The following PKHD1 variants were observed in gnomAD, a reference collection of about 807,000 sequenced individuals.
PKHD1 encodes PKHD1 ciliary IPT domain containing fibrocystin/polyductin, also known as fibrocystin.
Under a neutral mutation model 412.0 loss-of-function variants are expected in PKHD1, and 291 were observed. The ratio of observed to expected loss-of-function variants is 0.71; its 90% CI spans 0.64 to 0.78. PKHD1 has a LOEUF of 0.78. Among genes scored for constraint, PKHD1 ranks in the 30% least tolerant of loss-of-function variants. The pLI, the probability that PKHD1 is intolerant of heterozygous loss-of-function variation, is 0.00. For missense variants in PKHD1, 4,825 were observed against 4,950.7 expected, an observed-to-expected ratio of 0.97 and a Z score of 0.76; for synonymous variants, 1,777 against 1,821.5, an observed-to-expected ratio of 0.98 and a Z score of 0.62.
intron 60 of PKHD1, among the ~76,000 whole-genome samples, chr6:51,710,609 G>A (rs1780541376): frequency 1.3e-5 from 2 of 151,294 alleles, no homozygotes; most frequent in South Asian, 4.2e-4. Context: ...CACTGTTCTG[G>A]GACCCAGGCC....
intron 60 of PKHD1, 135 bp from the exon 61 acceptor site, chr6:51,660,104 G>T (rs1162816454): frequency 1.7e-6 from 1 of 576,156 alleles, no homozygotes; most frequent in Admixed American, 3.3e-5. Context: ...CAGATACTGA[G>T]AGTGCAAGGA....
At chr6:51,656,055 C>T (rs905355594) in intron 61 of PKHD1, among the ~76,000 whole-genome samples, 3 of 152,106 alleles carry the variant, frequency 2.0e-5, no homozygotes, top group African/African-American at 4.8e-5. Context: ...ATGTTTATTG[C>T]AGCACTATTC....
At chr6:52,015,548 A>G (rs6458804) in intron 34 of PKHD1, among the ~76,000 whole-genome samples, 76,972 of 151,866 alleles carry the variant, frequency 0.51, 21,617 homozygotes, top group Non-Finnish European at 0.62. Flanking sequence ...CTTTTGGCCG[A>G]GTGCAGTGGC....
intron 60 of PKHD1, among the ~76,000 whole-genome samples, chr6:51,662,180 T>A (rs549550614): frequency 2.6e-4 from 40 of 151,804 alleles, no homozygotes; most frequent in Non-Finnish European, 5.3e-4. Context: ...TAAATGCTCA[T>A]ATAAGCAAAG....
rs368263958 is a variant in PKHD1 at position 51,909,466 on chromosome 6, G to A, written c.6499C>T (p.Gln2167Ter). 6.2e-7 allele frequency: 1 copy of A among 1,612,358 alleles called. No homozygotes were observed. The highest frequency in any genetic ancestry group is 8.5e-7 in the Non-Finnish European group (1 of 1,178,620). ...QEANAPEGNL[Q>*]HCLYSMSEKM... is the part of the protein sequence containing the mutation. ...TCACTCATGGAATACAAACAGTGCT[G>A]CAGATTACCTGAAATGCAAAATAAA... The change falls in exon 40 of 67, where the codon CAG (glutamine) becomes TAG (stop). Residue 2167 changes from glutamine (Q) to a stop codon, truncating the protein, a stop_gained. Transcript: ENST00000371117. LOFTEE classifies it high-confidence loss of function.
intron 37 of PKHD1, among the ~76,000 whole-genome samples, chr6:51,915,491 A>G (rs1245889635): frequency 2.6e-5 from 4 of 152,082 alleles, no homozygotes; most frequent in African/African-American, 9.7e-5. Context: ...CACAGTGTCT[A>G]GCATGTAAGT....
Position 52,024,579 on chromosome 6 carries a change from T to C in PKHD1, c.5231A>G (p.Asn1744Ser), listed in dbSNP as rs746705122. The C allele has an allele frequency of 1.9e-5, 30 of 1,613,894 alleles. No homozygotes were observed. The highest frequency in any genetic ancestry group is 1.5e-4 in the South Asian group (14 of 91,070). The change falls in exon 32 of 67, where the codon AAC becomes AGC. Residue 1744 changes from asparagine (N) to serine (S), a missense_variant. Transcript: ENST00000371117. Reference protein sequence around the residue: ...SRVIITAVTENFGCLGGRLVH... With the variant: ...SRVIITAVTESFGCLGGRLVH... The stretch of plus-strand genomic sequence containing the variant: ...GTCTTATTTGCTTGACTTACCGAAG[T>C]TCTCCGTCACTGCTGTAATAATAAC...
Position 52,072,155 on chromosome 6 carries a change from C to G in PKHD1, c.562G>C (p.Val188Leu). ...CTATTTATAAGAGAGCAAGGAGTAA[C>G]CCATTTGTCTCCTTGAGCTTCCAAG... ...VILEAQGDKW[V>L]TPCSLINRQM... is the part of the protein sequence containing the mutation. The change falls in exon 8 of 67, where the codon GTT becomes CTT. Residue 188 changes from valine to leucine, a missense_variant. Physicochemically the swap from Val to Leu is conservative, Grantham distance 32. Transcript: ENST00000371117. 6.2e-7 allele frequency: 1 copy of G among 1,610,068 alleles called. No homozygotes were observed. The highest frequency in any genetic ancestry group is 8.5e-7 in the Non-Finnish European group (1 of 1,176,458).
chr6:51,896,764 G>T (rs1270536695), intron 43 of PKHD1, among the ~76,000 whole-genome samples: 1 of 151,414 alleles, frequency 6.6e-6, no homozygotes, highest in Non-Finnish European at 1.5e-5. Context: ...TGAAAACTTT[G>T]AAAAAAATTT....
At chr6:52,081,835 C>T (rs1812083289) in intron 4 of PKHD1, among the ~76,000 whole-genome samples, 1 of 152,014 alleles carries the variant, frequency 6.6e-6, no homozygotes, top group African/African-American at 2.4e-5. Flanking sequence ...CATCTACTTG[C>T]ATGCACTTTA....
intron 43 of PKHD1, among the ~76,000 whole-genome samples, chr6:51,893,617 A>G (rs1779435480): frequency 6.6e-6 from 1 of 152,236 alleles, no homozygotes. Context: ...GGTTTAAGGC[A>G]AGCAGGGAAT....
At chr6:52,082,810 T>A (rs1224198344) in intron 3 of PKHD1, among the ~76,000 whole-genome samples, 3 of 152,222 alleles carry the variant, frequency 2.0e-5, no homozygotes, top group African/African-American at 7.2e-5. Flanking sequence ...GGGATGGATA[T>A]GCTAAGCAAT....
In PKHD1 at chr6:51,928,665, G is replaced by A. The variant is rs1786084078; in HGVS notation, c.6121+5445C>T. Among the ~76,000 whole-genome samples the A allele has an allele frequency of 2.0e-5, 3 of 152,108 alleles. No individual in the cohort carries two copies. In the South Asian group the frequency reaches 6.2e-4, roughly 32 times the overall value. On this transcript the variant is annotated intron_variant, in intron 37 of 66. Coordinates refer to ENST00000371117, the MANE Select transcript of PKHD1 (RefSeq NM_138694.4). Reference sequence around the variant, plus strand: ...GCCTCCCCTGGTTATTTTTTGAAAAGAATACAGTGTTCCTTTCTTTGGTAG... The same window carrying A: ...GCCTCCCCTGGTTATTTTTTGAAAAAAATACAGTGTTCCTTTCTTTGGTAG...
rs1295577366 is a variant in PKHD1 at position 51,791,324 on chromosome 6, A to G, written c.8352T>C (p.Tyr2784=). The part of the protein sequence containing the change: ...DTDLPFFKGL[Y]VMGTLDFPVD... ...CAGGGAAGTCTAAGGTCCCCATCACATACAGCCCTTTGAAGAATGGAAGAT... is the reference window on the plus strand; with the variant it reads ...CAGGGAAGTCTAAGGTCCCCATCACGTACAGCCCTTTGAAGAATGGAAGAT... Residue 2784 remains tyrosine, a synonymous_variant, in exon 53 of 67, where the codon TAT becomes TAC. Transcript: ENST00000371117. 6.2e-7 allele frequency: 1 copy of G among 1,613,424 alleles called. No homozygotes were observed. Among genetic ancestry groups the G allele is most frequent in the East Asian group, 2.2e-5 (1 of 44,854 alleles).
intron 35 of PKHD1, among the ~76,000 whole-genome samples, chr6:51,981,246 C>G (rs1366009361): frequency 6.7e-6 from 1 of 149,556 alleles, no homozygotes; most frequent in Non-Finnish European, 1.5e-5. Context: ...TCTGTGCAAC[C>G]CAAGCTCAAA....
chr6:51,667,861 C>T (rs9395703), intron 60 of PKHD1, among the ~76,000 whole-genome samples: 9,349 of 149,170 alleles, frequency 0.063, 830 homozygotes, highest in African/African-American at 0.2. Context: ...GTTGTAGATA[C>T]GCGGCGTTAT....
intron 36 of PKHD1, among the ~76,000 whole-genome samples, chr6:51,954,349 A>C (rs1561975186): frequency 6.6e-6 from 1 of 152,114 alleles, no homozygotes; most frequent in Non-Finnish European, 1.5e-5. Flanking sequence ...TGAGACTTAC[A>C]GAAGGTCTGC....
At chr6:51,977,520 C>T (rs1202367382) in intron 35 of PKHD1, among the ~76,000 whole-genome samples, 1 of 152,212 alleles carries the variant, frequency 6.6e-6, no homozygotes, top group Admixed American at 6.5e-5. Flanking sequence ...CCTCTTTCTT[C>T]CAGAAGCTTT....
At chr6:51,750,961 G>C (rs926683259) in intron 57 of PKHD1, among the ~76,000 whole-genome samples, 26 of 152,100 alleles carry the variant, frequency 1.7e-4, no homozygotes, top group Admixed American at 1.6e-3. Context: ...ATTTTTAGTA[G>C]AGGCAGGGTT....
Sources: allele counts gnomAD v4.1 joint callset (sites outside exome capture counted in the v4.1 genomes callset), GRCh38; gene constraint gnomAD v4.1.1; transcripts MANE v1.5; gene names NCBI Gene and HGNC (gene_info 2026-07-23, HGNC 2026-07-21).